Variants in DHX33 observed in about 807,000 individuals in gnomAD.
DHX33 encodes DEAH-box helicase 33.
Under a neutral mutation model 72.5 loss-of-function variants are expected in DHX33, and 42 were observed. That is an observed-to-expected ratio of 0.58 (90% confidence interval 0.45 to 0.75). The LOEUF (loss-of-function observed/expected upper bound fraction) is 0.75, where lower values mean the gene tolerates loss of function less well. Among genes scored for constraint, DHX33 ranks in the 30% least tolerant of loss-of-function variants. DHX33 has a pLI of 0.00. For synonymous variants in DHX33, 358 were observed against 366.1 expected (o/e 0.98, Z 0.25); for missense variants, 842 against 917.5 (o/e 0.92, Z 1.06).
At chr17:5,464,306 G>C (rs573139185) in intron 1 of DHX33, among the ~76,000 whole-genome samples, 5 of 152,044 alleles carry the variant, frequency 3.3e-5, no homozygotes, top group Non-Finnish European at 5.9e-5. Flanking sequence ...CTCCAGCATG[G>C]GCAACGGAAT....
chr17:5,463,548 C>T lies in DHX33; in HGVS notation c.431G>A (p.Arg144Lys). The T allele has an allele frequency of 6.2e-7, 1 of 1,614,060 alleles. No individual in the cohort carries two copies. Among genetic ancestry groups the T allele is most frequent in the East Asian group, 2.2e-5 (1 of 44,878 alleles). ...AGGTACCAGCTTCCCAAGTTCAGTT[C>T]TCTTCTCATCTGAGACTCTAGTAGC... ...SLATRVSDEK[R>K]TELGKLVGYT... Residue 144 changes from arginine to lysine, a missense_variant, in exon 2 of 12, where the codon AGA (arginine) becomes AAA (lysine). Arg to Lys is a conservative substitution (Grantham distance 26, BLOSUM62 2). Transcript: ENST00000225296.
chr17:5,452,211 A>T (rs1037675434), intron 8 of DHX33, among the ~76,000 whole-genome samples: 1 of 152,168 alleles, frequency 6.6e-6, no homozygotes, highest in Non-Finnish European at 1.5e-5. Flanking sequence ...TCAAGCACAG[A>T]ACAATACTCA....
rs1366850402 is a variant in DHX33 at position 5,442,664 on chromosome 17, C to G, written c.*1541G>C. 2.0e-5 allele frequency: 3 copies of G among 152,310 alleles called. No homozygotes were observed. The highest frequency in any genetic ancestry group is 3.4e-3 in the Middle Eastern group (1 of 294). The allele number at this position is 152,310 out of a possible 1,614,324, so 9.4% of individuals were successfully genotyped here. On this transcript the variant is annotated 3_prime_UTR_variant, in exon 12 of 12. Coordinates refer to ENST00000225296, the MANE Select transcript of DHX33 (RefSeq NM_020162.4). ...CAGGCCACAGCTTCCAGAAAGAGAG[C>G]ATCCATGATCTCTGAAGAGCCTCTT...
At chr17:5,463,066 G>A (rs1283027898) in intron 2 of DHX33, among the ~76,000 whole-genome samples, 2 of 151,410 alleles carry the variant, frequency 1.3e-5, no homozygotes, top group Admixed American at 1.3e-4. Context: ...GCGACCGAGC[G>A]AGACTATCTC....
rs11286147 is a variant in DHX33 at position 5,463,704 on chromosome 17, G to GA, written c.290-16dup. ...GCCAGTTTCCCCTAGGAGAGAGGGG[G>GA]AAAAAAAAAAAAGGCTCACTGAAAT... is the stretch of plus-strand genomic sequence containing the variant. On this transcript the variant is annotated splice_polypyrimidine_tract_variant and intron_variant, in intron 1 of 11. Transcript: ENST00000225296. 0.014 allele frequency: 18,250 copies of GA among 1,289,488 alleles called. 3 individuals are homozygous for GA. The highest frequency in any genetic ancestry group is 0.028 in the South Asian group (1,930 of 69,608). The allele number at this position is 1,289,488 out of a possible 1,614,324, so 79.9% of individuals were successfully genotyped here. A position where few individuals can be genotyped will look rare whatever the true frequency, so the allele number is the denominator to read the frequency against.
chr17:5,447,886 T>C (rs1414927334), intron 11 of DHX33, among the ~76,000 whole-genome samples: 1 of 151,724 alleles, frequency 6.6e-6, no homozygotes, highest in Non-Finnish European at 1.5e-5. Flanking sequence ...ATTTGAGAAA[T>C]ACGCATGTGA....
At chr17:5,456,298 T>A in intron 4 of DHX33, 116 bp from the exon 5 acceptor site, 1 of 1,128,936 alleles carries the variant, frequency 8.9e-7, no homozygotes, top group Non-Finnish European at 1.3e-6. Flanking sequence ...TATAGAAATG[T>A]AAATGAGCCT....
chr17:5,450,004 A>G (rs1025266727), intron 10 of DHX33, among the ~76,000 whole-genome samples, 199 bp downstream of exon 10: 1 of 152,176 alleles, frequency 6.6e-6, no homozygotes, highest in African/African-American at 2.4e-5. Flanking sequence ...ACTTAAACAC[A>G]TTCGGAACAG....
intron 1 of DHX33, among the ~76,000 whole-genome samples, chr17:5,468,218 T>TC (rs1241038182): frequency 6.6e-6 from 1 of 151,910 alleles, no homozygotes; most frequent in Admixed American, 6.6e-5. Context: ...AAACGGGCTT[T>TC]CCCCCCTGCC....
rs1414679335 is a variant in DHX33, at chr17:5,442,438, T to A, written c.*1767A>T. On this transcript the variant is annotated 3_prime_UTR_variant, in exon 12 of 12. Coordinates refer to ENST00000225296, the MANE Select transcript of DHX33 (RefSeq NM_020162.4). ...AGTAAGTGGAAGAACTGGTTCAAAG[T>A]TTAAGAATTCAGTAAGATAAGGTAT... 6.6e-6 allele frequency: 1 copy of A among 152,008 alleles called. No homozygotes were observed. The highest frequency in any genetic ancestry group is 2.4e-5 in the African/African-American group (1 of 41,362). 9.4% of individuals were successfully genotyped at this position (152,008 alleles called of 1,614,324 possible). A position where few individuals can be genotyped will look rare whatever the true frequency, so the allele number is the denominator to read the frequency against.
At position 5,453,923 on chromosome 17, in the gene DHX33, C is replaced by T. The variant is rs893940538; in HGVS notation, c.1205G>A (p.Arg402His). Reference sequence around the variant, plus strand: ...GTCCTCTCTGCCAGCCCTCCCTGTGCGCTGCCAAGCCTGCGTCTTCGATAC... The same window carrying T: ...GTCCTCTCTGCCAGCCCTCCCTGTGTGCTGCCAAGCCTGCGTCTTCGATAC... Reference protein sequence around the residue: ...QRVSKTQAWQRTGRAGREDSG... With the variant: ...QRVSKTQAWQHTGRAGREDSG... The change falls in exon 7 of 12, where the codon CGC becomes CAC. Residue 402 changes from arginine to histidine, a missense_variant. Coordinates refer to ENST00000225296, the MANE Select transcript of DHX33 (RefSeq NM_020162.4). The T allele has an allele frequency of 1.6e-5, 26 of 1,613,982 alleles. No individual in the cohort carries two copies. The highest frequency in any genetic ancestry group is 2.7e-5 in the African/African-American group (2 of 74,914).
At chr17:5,454,075 A>C (rs1917082903) in intron 6 of DHX33, 95 bp from the exon 7 acceptor site, 2 of 1,427,070 alleles carry the variant, frequency 1.4e-6, no homozygotes, top group South Asian at 2.6e-5. Context: ...TTCTTTCAGC[A>C]ACACGGGGGT....
intron 1 of DHX33, among the ~76,000 whole-genome samples, chr17:5,464,311 C>T (rs1482528529): frequency 6.6e-6 from 1 of 152,094 alleles, no homozygotes; most frequent in Admixed American, 6.5e-5. Flanking sequence ...GCATGGGCAA[C>T]GGAATGACAC....
chr17:5,454,035 C>T, intron 6 of DHX33, 55 bp from the exon 7 acceptor site: 1 of 1,582,188 alleles, frequency 6.3e-7, no homozygotes, highest in Non-Finnish European at 8.6e-7. Flanking sequence ...ACTCTTTCTA[C>T]AGTGTCGATA....
chr17:5,453,500 T>TG, intron 8 of DHX33, 80 bp downstream of exon 8: 1 of 1,112,112 alleles, frequency 9.0e-7, no homozygotes, highest in South Asian at 1.3e-5. Flanking sequence ...ATGACCAATA[T>TG]ACTTTATTTT....
chr17:5,451,506 G>A (rs1597357659), intron 8 of DHX33, among the ~76,000 whole-genome samples: 2 of 152,092 alleles, frequency 1.3e-5, no homozygotes, highest in South Asian at 2.1e-4. Flanking sequence ...TTACACTTAC[G>A]AATTTCACCT....
In DHX33 at chr17:5,463,658, G is replaced by C. The variant is rs1162929400; in HGVS notation, c.321C>G (p.Ile107Met). Residue 107 changes from isoleucine to methionine, a missense_variant, in exon 2 of 12, where the codon ATC becomes ATG. Ile to Met is a conservative substitution (Grantham distance 10). Transcript: ENST00000225296. ...GETGSGKTTQ[I>M]PQYLYEGGIS... ...TCCCTCCTTCATACAGGTACTGAGGGATCTGAGTTGTCTTCCCAGAGCCAG... is the reference window on the plus strand; with the variant it reads ...TCCCTCCTTCATACAGGTACTGAGGCATCTGAGTTGTCTTCCCAGAGCCAG... 2 of 1,611,994 alleles carry C rather than the reference G, an allele frequency of 1.2e-6. No individual in the cohort carries two copies. The highest frequency in any genetic ancestry group is 2.2e-5 in the South Asian group (2 of 90,772).
At chr17:5,459,326 A>C (rs1904474053) in intron 4 of DHX33, among the ~76,000 whole-genome samples, 1 of 152,216 alleles carries the variant, frequency 6.6e-6, no homozygotes, top group Admixed American at 6.5e-5. Context: ...TAATGATTCA[A>C]ATTTTTGAAG....
Position 5,462,557 on chromosome 17 carries a change from A to C in DHX33, c.451-11T>G, listed in dbSNP as rs763909973. The stretch of plus-strand genomic sequence containing the variant: ...CACTGTATAGCCAACCTGTGCAGGG[A>C]AACAATTTATTCAGTCACCAAACAT... On this transcript the variant is annotated splice_polypyrimidine_tract_variant and intron_variant, in intron 2 of 11. Coordinates refer to ENST00000225296, the MANE Select transcript of DHX33 (RefSeq NM_020162.4). The C allele has an allele frequency of 8.1e-6, 13 of 1,604,266 alleles. No homozygotes were observed. The Admixed American group carries it at 2.0e-4, about 25-fold the overall frequency.
Sources: allele counts gnomAD v4.1 joint callset (sites outside exome capture counted in the v4.1 genomes callset), GRCh38; gene constraint gnomAD v4.1.1; transcripts MANE v1.5; gene names NCBI Gene and HGNC (gene_info 2026-07-23, HGNC 2026-07-21).